CIMAP1D: variants seen among roughly 807,000 people sequenced by gnomAD.
The protein encoded by CIMAP1D is CIMAP1 family member D.
At chr19:488,843 CG>C in the CIMAP1D span, among the ~76,000 whole-genome samples, 1 of 152,034 alleles carries the variant, frequency 6.6e-6, no homozygotes. Context: ...AGACTCGCGG[CG>C]GGGACGCCCC....
At chr19:466,432 G>C in the CIMAP1D span, among the ~76,000 whole-genome samples, 1 of 147,092 alleles carries the variant, frequency 6.8e-6, no homozygotes, top group Non-Finnish European at 1.5e-5. Context: ...TGGATGGATG[G>C]GTGGATAGAT....
the CIMAP1D span, among the ~76,000 whole-genome samples, chr19:479,624 C>T: frequency 6.1e-4 from 93 of 152,286 alleles, no homozygotes; most frequent in Non-Finnish European, 1.1e-3. Context: ...AGGCTGGTCT[C>T]GATCTCCTGA....
At chr19:482,606 C>T in the CIMAP1D span, among the ~76,000 whole-genome samples, 2 of 152,098 alleles carry the variant, frequency 1.3e-5, no homozygotes, top group African/African-American at 4.8e-5. Flanking sequence ...ATCGGCAGGG[C>T]GTCCTTGGCA....
chr19:470,012 G>A, the CIMAP1D span, among the ~76,000 whole-genome samples: 3 of 152,090 alleles, frequency 2.0e-5, no homozygotes, highest in African/African-American at 4.8e-5. Flanking sequence ...TCTTCTGGGG[G>A]CTCCACCAAA....
chr19:479,444 G>A, the CIMAP1D span, among the ~76,000 whole-genome samples: 6 of 123,352 alleles, frequency 4.9e-5, no homozygotes, highest in South Asian at 2.7e-4. Context: ...CACCCTTGTC[G>A]CCCAGGCTGG....
At chr19:487,857 G>A in the CIMAP1D span, among the ~76,000 whole-genome samples, 12 of 152,314 alleles carry the variant, frequency 7.9e-5, no homozygotes, top group South Asian at 6.2e-4. Context: ...CAGACAGCCC[G>A]GCGCTGTGCC....
the CIMAP1D span, among the ~76,000 whole-genome samples, chr19:471,289 C>T: frequency 6.6e-6 from 1 of 152,040 alleles, no homozygotes; most frequent in Non-Finnish European, 1.5e-5. Context: ...GCTGGGACTA[C>T]AGGCGCCTGC....
At chr19:467,896 G>T in the CIMAP1D span, 1 of 611,018 alleles carries the variant, frequency 1.6e-6, no homozygotes, top group Admixed American at 3.0e-5. Context: ...TCTCGGAGGG[G>T]TCACCCCAGG....
At chr19:475,430 T>G in the CIMAP1D span, among the ~76,000 whole-genome samples, 103 of 152,132 alleles carry the variant, frequency 6.8e-4, no homozygotes, top group Non-Finnish European at 9.4e-4. Context: ...GTCTGGTGTA[T>G]GAGGAGGCAC....
chr19:483,045 C>T, the CIMAP1D span, among the ~76,000 whole-genome samples: 97 of 152,300 alleles, frequency 6.4e-4, no homozygotes, highest in East Asian at 0.018. Flanking sequence ...CAGCCTGACT[C>T]CACAGGGTCA....
chr19:488,978 C>G, the CIMAP1D span, among the ~76,000 whole-genome samples: 1 of 152,062 alleles, frequency 6.6e-6, no homozygotes. Context: ...CCCAAGCCCG[C>G]ATCAGCCCGC....
chr19:466,323 T>C, the CIMAP1D span, among the ~76,000 whole-genome samples: 3 of 63,372 alleles, frequency 4.7e-5, no homozygotes, highest in South Asian at 1.2e-3. Flanking sequence ...GGATAGATGG[T>C]TGGGTGGAGG....
chr19:464,140 C>CGGGGGGGGGTG, the CIMAP1D span: 1 of 796,576 alleles, frequency 1.3e-6, no homozygotes, highest in South Asian at 4.0e-5. Context: ...GGGGGGCGGG[C>CGGGGGGGGGTG]GGGGGGGGTG....
the CIMAP1D span, among the ~76,000 whole-genome samples, chr19:465,617 G>C: frequency 7.0e-6 from 1 of 143,278 alleles, no homozygotes; most frequent in African/African-American, 2.6e-5. Context: ...AGGTCGGTGT[G>C]TGGATGGGTG....
At chr19:465,922 G>GGATA in the CIMAP1D span, among the ~76,000 whole-genome samples, 1 of 135,878 alleles carries the variant, frequency 7.4e-6, no homozygotes, top group South Asian at 2.5e-4. Flanking sequence ...ATGGATGAGT[G>GGATA]GATGGGTGGA....
chr19:467,010 G>A, the CIMAP1D span, among the ~76,000 whole-genome samples: 1 of 102,294 alleles, frequency 9.8e-6, no homozygotes, highest in Non-Finnish European at 2.0e-5. Context: ...GTATGGACGG[G>A]TGGATAGATG....
At chr19:466,341 G>C in the CIMAP1D span, among the ~76,000 whole-genome samples, 1 of 127,870 alleles carries the variant, frequency 7.8e-6, no homozygotes, top group Non-Finnish European at 1.7e-5. Flanking sequence ...AGGGTGGATG[G>C]ATGAGTGGAT....
the CIMAP1D span, among the ~76,000 whole-genome samples, chr19:479,126 C>T: frequency 2.0e-5 from 3 of 152,154 alleles, no homozygotes; most frequent in South Asian, 4.1e-4. Flanking sequence ...AAACTGTTCT[C>T]GTAAATGCAG....
At chr19:465,872 A>ATGGG in the CIMAP1D span, among the ~76,000 whole-genome samples, 1 of 27,930 alleles carries the variant, frequency 3.6e-5, no homozygotes, top group Non-Finnish European at 6.9e-5. Context: ...GGGTGGGTGG[A>ATGGG]TGGGTGGGTG....
Sources: allele counts gnomAD v4.1 joint callset (sites outside exome capture counted in the v4.1 genomes callset), GRCh38; gene constraint gnomAD v4.1.1; transcripts MANE v1.5; gene names NCBI Gene and HGNC (gene_info 2026-07-23, HGNC 2026-07-21).